The following EPB41L2 variants were observed in gnomAD, a reference collection of about 807,000 sequenced individuals.
EPB41L2 encodes the protein erythrocyte membrane protein band 4.1 like 2.
Under a neutral mutation model 113.0 loss-of-function variants are expected in EPB41L2, and 43 were observed. That is an observed-to-expected ratio of 0.38 (90% CI 0.30 to 0.49). EPB41L2 has a LOEUF of 0.49. Ranked by LOEUF, EPB41L2 falls within the 20% of genes least tolerant of loss-of-function variation. EPB41L2 has a pLI of 0.95. For synonymous variants in EPB41L2, 442 were observed against 436.7 expected, an observed-to-expected ratio of 1.01 and a Z score of -0.15; for missense variants, 1,147 against 1,223.4, an observed-to-expected ratio of 0.94 and a Z score of 0.93.
intron 1 of EPB41L2, among the ~76,000 whole-genome samples, chr6:130,980,341 T>C (rs1779116442): frequency 6.6e-6 from 1 of 151,758 alleles, no homozygotes; most frequent in Non-Finnish European, 1.5e-5. Flanking sequence ...AGTCTTTCGG[T>C]GGGAGAGATA....
Position 130,839,998 on chromosome 6 carries a change from A to G in EPB41L2, c.*606T>C, listed in dbSNP as rs1177329192. The stretch of plus-strand genomic sequence containing the variant: ...CAGGACTGGAAAGTCAAAAGGGTCC[A>G]ATATAAAAAACATCCCTGTGAAATT... On this transcript the variant is annotated 3_prime_UTR_variant, in exon 20 of 20. Transcript: ENST00000337057. 6.6e-6 allele frequency: 1 copy of G among 152,236 alleles called. No individual in the cohort carries two copies. The highest frequency in any genetic ancestry group is 2.4e-5 in the African/African-American group (1 of 41,470). The allele number at this position is 152,236 out of a possible 1,614,324, so 9.4% of individuals were successfully genotyped here.
chr6:130,890,343 T>C lies in EPB41L2; in HGVS notation c.1611A>G (p.Pro537=), dbSNP rs748744325. ...QASTLIDRPA[P]HFERTSSKRV... ...GTTTACTAGAAGTGCGCTCAAAGTG[T>C]GGTGCTGGCCTATCTATGAGGGTGC... Residue 537 remains proline (P), a synonymous_variant, in exon 11 of 20, where the codon CCA becomes CCG. Transcript: ENST00000337057. 9 of 1,613,406 alleles carry C rather than the reference T, an allele frequency of 5.6e-6. No homozygotes were observed. The highest frequency in any genetic ancestry group is 5.0e-5 in the Admixed American group (3 of 59,956).
intron 1 of EPB41L2, among the ~76,000 whole-genome samples, chr6:131,020,785 T>C (rs1046646741): frequency 2.0e-5 from 3 of 150,636 alleles, no homozygotes; most frequent in African/African-American, 7.2e-5. Context: ...AGTAATGCTC[T>C]TGGAACAATT....
At chr6:131,005,922 C>T (rs976551381) in intron 1 of EPB41L2, among the ~76,000 whole-genome samples, 3 of 152,092 alleles carry the variant, frequency 2.0e-5, no homozygotes, top group Non-Finnish European at 4.4e-5. Context: ...CAGCCCCAAC[C>T]CTTCCACTCA....
intron 13 of EPB41L2, 79 bp downstream of exon 13, chr6:130,880,065 A>T: frequency 1.9e-6 from 2 of 1,061,896 alleles, no homozygotes; most frequent in Non-Finnish European, 1.4e-6. Context: ...GAACATTGCC[A>T]GCCAGCCTAG....
At chr6:130,958,468 CAAAAAAAAAAAA>C (rs200548809) in intron 1 of EPB41L2, among the ~76,000 whole-genome samples, 26,260 of 114,202 alleles carry the variant, frequency 0.23, 3,037 homozygotes, top group African/African-American at 0.35. Flanking sequence ...ACAACAACAA[CAAAAAAAAAAAA>C]AAAAAAAAGC....
At chr6:130,973,376 G>A (rs933158484) in intron 1 of EPB41L2, among the ~76,000 whole-genome samples, 3 of 151,952 alleles carry the variant, frequency 2.0e-5, no homozygotes, top group Admixed American at 2.0e-4. Flanking sequence ...TTTTTTAGTA[G>A]AGCCAATTTT....
intron 3 of EPB41L2, among the ~76,000 whole-genome samples, chr6:130,929,760 C>T (rs1025655441): frequency 1.3e-5 from 2 of 151,840 alleles, no homozygotes; most frequent in African/African-American, 4.8e-5. Flanking sequence ...TAGCCTGATA[C>T]AAGAGCTCTG....
chr6:130,907,794 G>A (rs916696247), intron 5 of EPB41L2, among the ~76,000 whole-genome samples: 2 of 152,150 alleles, frequency 1.3e-5, no homozygotes, highest in African/African-American at 2.4e-5. Context: ...GATGAAAAGG[G>A]CAAGAAGGGA....
In EPB41L2 at chr6:130,858,115, A is replaced by G. The variant is rs1780869726; in HGVS notation, c.*5+16T>C. Reference sequence around the variant, plus strand: ...GCAGTCACTAGAAAGGCCACAGACAATGAGGGCTCTCTTACCTTACTTAAT... The same window carrying G: ...GCAGTCACTAGAAAGGCCACAGACAGTGAGGGCTCTCTTACCTTACTTAAT... On this transcript the variant is annotated intron_variant, in intron 19 of 19. Coordinates refer to ENST00000337057, the MANE Select transcript of EPB41L2 (RefSeq NM_001431.4). 1 of 1,594,038 alleles carries G rather than the reference A, an allele frequency of 6.3e-7. No individual in the cohort carries two copies. Among genetic ancestry groups the G allele is most frequent in the South Asian group, 1.1e-5 (1 of 90,562 alleles).
chr6:130,854,222 C>A (rs2128415644), intron 19 of EPB41L2, among the ~76,000 whole-genome samples: 1 of 152,250 alleles, frequency 6.6e-6, no homozygotes, highest in South Asian at 2.1e-4. Flanking sequence ...CACCTACCTT[C>A]CTGGAGCACA....
At chr6:130,952,082 G>A (rs1375460527) in intron 3 of EPB41L2, among the ~76,000 whole-genome samples, 1 of 152,154 alleles carries the variant, frequency 6.6e-6, no homozygotes, top group Non-Finnish European at 1.5e-5. Flanking sequence ...ACAAATGCAA[G>A]TTAAAATACT....
intron 1 of EPB41L2, among the ~76,000 whole-genome samples, chr6:130,971,510 A>G (rs1231260080): frequency 2.0e-5 from 3 of 152,224 alleles, no homozygotes; most frequent in Non-Finnish European, 4.4e-5. Flanking sequence ...TGATATCACG[A>G]TAGTCAGTCT....
At chr6:130,894,183 T>A (rs1202461115) in intron 10 of EPB41L2, among the ~76,000 whole-genome samples, 161 bp downstream of exon 10, 1 of 152,164 alleles carries the variant, frequency 6.6e-6, no homozygotes, top group Non-Finnish European at 1.5e-5. Context: ...AGCTGTTTTC[T>A]TTCTTTCTTA....
intron 10 of EPB41L2, among the ~76,000 whole-genome samples, chr6:130,893,425 C>T (rs1389071124): frequency 6.6e-6 from 1 of 152,144 alleles, no homozygotes; most frequent in Admixed American, 6.5e-5. Context: ...CACTCATGCA[C>T]AGCTTCTTCT....
intron 1 of EPB41L2, among the ~76,000 whole-genome samples, chr6:131,056,841 T>C (rs1261172693): frequency 6.6e-6 from 1 of 152,248 alleles, no homozygotes; most frequent in Admixed American, 6.5e-5. Context: ...GACATGTTAC[T>C]GATTCCTTCT....
intron 3 of EPB41L2, among the ~76,000 whole-genome samples, chr6:130,946,524 C>T (rs1812866337): frequency 6.6e-6 from 1 of 151,908 alleles, no homozygotes; most frequent in Non-Finnish European, 1.5e-5. Context: ...GTATTGGTTC[C>T]TTGGACAGTT....
chr6:130,902,667 T>G (rs2183969), intron 6 of EPB41L2, among the ~76,000 whole-genome samples: 120,304 of 152,204 alleles, frequency 0.79, 48,407 homozygotes, highest in East Asian at 1. Context: ...AACAGTGATG[T>G]TTCTCCACAT....
chr6:130,909,028 T>C (rs909421674), intron 4 of EPB41L2, among the ~76,000 whole-genome samples, 165 bp from the exon 5 acceptor site: 1 of 152,222 alleles, frequency 6.6e-6, no homozygotes, highest in Non-Finnish European at 1.5e-5. Context: ...GCTTTGTCCT[T>C]GGGGACATAT....
Sources: allele counts gnomAD v4.1 joint callset (sites outside exome capture counted in the v4.1 genomes callset), GRCh38; gene constraint gnomAD v4.1.1; transcripts MANE v1.5; gene names NCBI Gene and HGNC (gene_info 2026-07-23, HGNC 2026-07-21).